The following DIP2A variants were observed in gnomAD, a reference collection of about 807,000 sequenced individuals.
The protein encoded by DIP2A is disco-interacting protein 2 homolog A.
DIP2A carries 85 observed loss-of-function variants against 177.4 expected under a neutral mutation model. That is an observed-to-expected ratio of 0.48 (90% confidence interval 0.40 to 0.57). DIP2A has a LOEUF of 0.57. Ranked by LOEUF, DIP2A falls within the 20% of genes least tolerant of loss-of-function variation. The pLI is 0.00. For missense variants in DIP2A, 1,791 were observed against 2,100.2 expected (o/e 0.85, Z 2.88); for synonymous variants, 886 against 881.8 (o/e 1.00, Z -0.08).
At chr21:46,564,043 C>T in intron 35 of DIP2A, 111 bp downstream of exon 35, 2 of 1,290,114 alleles carry the variant, frequency 1.6e-6, no homozygotes, top group Non-Finnish European at 2.1e-6. Flanking sequence ...GGGAATCTAC[C>T]AGAAACCATT....
At chr21:46,483,712 A>G (rs1485526307) in intron 1 of DIP2A, among the ~76,000 whole-genome samples, 2 of 152,256 alleles carry the variant, frequency 1.3e-5, no homozygotes, top group Admixed American at 6.5e-5. Flanking sequence ...GAAATACTCA[A>G]TTATGTACTC....
intron 1 of DIP2A, among the ~76,000 whole-genome samples, chr21:46,466,203 AT>A (rs1313002931): frequency 6.6e-6 from 1 of 152,194 alleles, no homozygotes; most frequent in African/African-American, 2.4e-5. Context: ...TTGTGAACTA[AT>A]ATTTTCCAGC....
intron 8 of DIP2A, among the ~76,000 whole-genome samples, chr21:46,523,159 A>G (rs1337089107): frequency 1.3e-5 from 2 of 152,040 alleles, no homozygotes; most frequent in African/African-American, 4.8e-5. Flanking sequence ...TCCTGACCTC[A>G]GGTGATCCAC....
At chr21:46,565,375 G>A (rs1422948298) in intron 35 of DIP2A, among the ~76,000 whole-genome samples, 2 of 152,202 alleles carry the variant, frequency 1.3e-5, no homozygotes, top group Non-Finnish European at 1.5e-5. Flanking sequence ...TCCCTGTTGT[G>A]GAATGTGGGT....
At chr21:46,464,094 A>G (rs1429444342) in intron 1 of DIP2A, among the ~76,000 whole-genome samples, 2 of 151,876 alleles carry the variant, frequency 1.3e-5, no homozygotes, top group Admixed American at 1.3e-4. Context: ...TTTGTGGTAT[A>G]TAAAAGTTCT....
At chr21:46,554,492 T>G (rs541601593) in intron 26 of DIP2A, 83 bp from the exon 27 acceptor site, 21 of 1,567,788 alleles carry the variant, frequency 1.3e-5, no homozygotes, top group Non-Finnish European at 1.7e-5. Flanking sequence ...CCACCTCCCC[T>G]CCTCTCTCGC....
intron 7 of DIP2A, 43 bp from the exon 8 acceptor site, chr21:46,511,374 G>A (rs1425455479): frequency 6.5e-7 from 1 of 1,539,556 alleles, no homozygotes; most frequent in Middle Eastern, 1.7e-4. Flanking sequence ...TGTGTTCGTG[G>A]TGCTCTGAAT....
At position 46,556,569 on chromosome 21, in the gene DIP2A, G is replaced by A. The variant is rs1449126077; in HGVS notation, c.3499-370G>A. ...ATGGTGGCAGGTGCCTCTAATCCCA[G>A]ATACTCAGGAGGCTGAGGCAGGAGA... is the stretch of plus-strand genomic sequence containing the variant. On this transcript the variant is annotated intron_variant, in intron 29 of 37. Coordinates refer to ENST00000417564, the MANE Select transcript of DIP2A (RefSeq NM_015151.4). The surrounding 1 kb of genome is among the most constrained non-coding windows in gnomAD (Gnocchi z 4.5). The A allele has an allele frequency of 1.0e-5, 4 of 384,648 alleles. No homozygotes were observed. In the Admixed American group the frequency reaches 1.5e-4, roughly 14 times the overall value. 23.8% of individuals were successfully genotyped at this position (384,648 alleles called of 1,614,324 possible).
At chr21:46,474,359 A>G (rs1367192438) in intron 1 of DIP2A, among the ~76,000 whole-genome samples, 3 of 152,210 alleles carry the variant, frequency 2.0e-5, no homozygotes, top group Admixed American at 6.5e-5. Context: ...CATAGATAGT[A>G]ATTGGAGTGA....
chr21:46,490,781 A>T (rs374672163), intron 3 of DIP2A, 62 bp downstream of exon 3: 6 of 1,476,956 alleles, frequency 4.1e-6, no homozygotes, highest in South Asian at 4.0e-5. Context: ...GACTCTTGCC[A>T]TGAAGTCTTC....
chr21:46,528,568 T>TTATTTTTTTTTTTTTTTTTTTA (rs1569043246), intron 8 of DIP2A, among the ~76,000 whole-genome samples: 1 of 90,576 alleles, frequency 1.1e-5, no homozygotes, highest in East Asian at 4.5e-4. Flanking sequence ...TTTTTTTTTT[T>TTATTTTTTTTTTTTTTTTTTTA]AGATAATGTC....
chr21:46,577,570 C>T, the DIP2A span, among the ~76,000 whole-genome samples: 5 of 152,162 alleles, frequency 3.3e-5, no homozygotes, highest in African/African-American at 1.2e-4. Context: ...AGCATGATGC[C>T]TCCAACTTCG....
In DIP2A at chr21:46,547,656, CTTTTTTTTTTTTTTT is replaced by C. The variant is rs10672432; in HGVS notation, c.2522+626_2522+640del. On this transcript the variant is annotated intron_variant, in intron 21 of 37. Coordinates refer to ENST00000417564, the MANE Select transcript of DIP2A (RefSeq NM_015151.4). ...AATTTTATTTTTCTCAAGGGGGTGC[CTTTTTTTTTTTTTTT>C]TTTTTTTTTTTAAAGATAGGGTCTC... Among the ~76,000 whole-genome samples, 7 of 76,392 alleles carry C rather than the reference CTTTTTTTTTTTTTTT, an allele frequency of 9.2e-5. No homozygotes were observed. The South Asian group carries it at 4.8e-3, about 52-fold the overall frequency. The allele number at this position is 76,392 out of a possible 152,430, so 50.1% of individuals were successfully genotyped here.
At chr21:46,513,735 T>C (rs2085823888) in intron 8 of DIP2A, among the ~76,000 whole-genome samples, 1 of 152,200 alleles carries the variant, frequency 6.6e-6, no homozygotes, top group South Asian at 2.1e-4. Context: ...CTGAAACTGC[T>C]TGAAGCTGAC....
intron 18 of DIP2A, among the ~76,000 whole-genome samples, chr21:46,543,584 C>T (rs2059912942): frequency 1.6e-5 from 1 of 63,044 alleles, no homozygotes; most frequent in South Asian, 4.6e-4. Flanking sequence ...TTTCCCATGA[C>T]CCTCCACAGC....
chr21:46,557,918 G>A lies in DIP2A; in HGVS notation c.3798+165G>A, dbSNP rs969048944. Reference sequence around the variant, plus strand: ...CCTATGTACACATCTGTCCTCCCACGGCCCACCTGTCTCTGCAGCTCCACA... The same window carrying A: ...CCTATGTACACATCTGTCCTCCCACAGCCCACCTGTCTCTGCAGCTCCACA... On this transcript the variant is annotated intron_variant, in intron 31 of 37. Coordinates refer to ENST00000417564, the MANE Select transcript of DIP2A (RefSeq NM_015151.4). This position sits in a 1 kb window ranked among gnomAD's most constrained non-coding sequence, Gnocchi z 6.0. Among the ~76,000 whole-genome samples, 5 of 152,166 alleles carry A rather than the reference G, an allele frequency of 3.3e-5. No homozygotes were observed. The highest frequency in any genetic ancestry group is 5.9e-5 in the Non-Finnish European group (4 of 68,026).
intron 33 of DIP2A, chr21:46,561,177 C>A (rs562581020): frequency 6.1e-5 from 23 of 378,010 alleles, no homozygotes; most frequent in Non-Finnish European, 9.1e-5. Context: ...CTGGCAAGAA[C>A]GTTTCTTACC....
At chr21:46,553,572 T>TC in intron 25 of DIP2A, 1 of 153,174 alleles carries the variant, frequency 6.5e-6, no homozygotes, top group Non-Finnish European at 1.5e-5. Flanking sequence ...GACACACAGA[T>TC]GCCTCTGAGA....
At position 46,538,600 on chromosome 21, in the gene DIP2A, C is replaced by T. The variant is rs776089050; in HGVS notation, c.1919C>T (p.Pro640Leu). Residue 640 changes from proline to leucine, a missense_variant and splice_region_variant, in exon 16 of 38, where the codon CCG becomes CTG. Coordinates refer to ENST00000417564, the MANE Select transcript of DIP2A (RefSeq NM_015151.4). Reference sequence around the variant, plus strand: ...CTGATTGTGGCCGATGGTGCCAACCCGTGTGAGTGAGCCTGTGTGCCCGGC... The same window carrying T: ...CTGATTGTGGCCGATGGTGCCAACCTGTGTGAGTGAGCCTGTGTGCCCGGC... The part of the protein sequence containing the change: ...RMLIVADGAN[P>L]WSISSCDAFL... 1.4e-5 allele frequency: 21 copies of T among 1,550,886 alleles called. No individual in the cohort carries two copies. Among genetic ancestry groups the T allele is most frequent in the Admixed American group, 9.7e-5 (5 of 51,432 alleles).
Sources: allele counts gnomAD v4.1 joint callset (sites outside exome capture counted in the v4.1 genomes callset), GRCh38; gene constraint gnomAD v4.1.1; non-coding constraint Gnocchi (gnomAD v3.1); transcripts MANE v1.5; gene names NCBI Gene and HGNC (gene_info 2026-07-23, HGNC 2026-07-21).